AMDHD1: variants seen among roughly 807,000 people sequenced by gnomAD.
AMDHD1 encodes amidohydrolase domain containing 1, also known as probable imidazolonepropionase.
AMDHD1 carries 45 observed loss-of-function variants against 44.1 expected under a neutral mutation model. The ratio of observed to expected loss-of-function variants is 1.02; its 90% CI spans 0.80 to 1.31. The LOEUF (loss-of-function observed/expected upper bound fraction) is 1.31, where lower values mean the gene tolerates loss of function less well. Ranked by LOEUF, AMDHD1 falls within the 50% of genes most tolerant of loss-of-function variation. The probability of loss-of-function intolerance (pLI) is 0.00; values close to 1 mark genes in which losing one functional copy is unlikely to be tolerated. For missense variants in AMDHD1, 586 were observed against 552.1 expected (o/e 1.06, Z -0.61); for synonymous variants, 206 against 205.0 (o/e 1.00, Z -0.04).
In AMDHD1 at chr12:95,943,493, G is replaced by A. The variant is rs934128292; in HGVS notation, c.95G>A (p.Arg32His). 3.3e-6 allele frequency: 5 copies of A among 1,499,982 alleles called. No homozygotes were observed. The highest frequency in any genetic ancestry group is 4.4e-6 in the Non-Finnish European group (5 of 1,128,658). The allele number at this position is 1,499,982 out of a possible 1,614,324, so 92.9% of individuals were successfully genotyped here. A position where few individuals can be genotyped will look rare whatever the true frequency, so the allele number is the denominator to read the frequency against. The change falls in exon 1 of 9, where the codon CGC (arginine) becomes CAC (histidine). Residue 32 changes from arginine to histidine, a missense_variant. Physicochemically the swap from Arg to His is conservative, Grantham distance 29. Transcript: ENST00000266736. ...GERFLARDAL[R>H]SLAVLEGASL... is the part of the protein sequence containing the mutation. Reference sequence around the variant, plus strand: ...CGCTTCCTGGCGCGGGATGCGCTGCGCAGCCTGGCGGTGCTGGAAGGCGCC... The same window carrying A: ...CGCTTCCTGGCGCGGGATGCGCTGCACAGCCTGGCGGTGCTGGAAGGCGCC...
Position 95,943,514 on chromosome 12 carries a change from G to T in AMDHD1, c.116G>T (p.Gly39Val). 1 of 1,484,304 alleles carries T rather than the reference G, an allele frequency of 6.7e-7. No homozygotes were observed. Among genetic ancestry groups the T allele is most frequent in the Non-Finnish European group, 8.9e-7 (1 of 1,120,788 alleles). The allele number at this position is 1,484,304 out of a possible 1,614,324, so 91.9% of individuals were successfully genotyped here. ...CTGCGCAGCCTGGCGGTGCTGGAAG[G>T]CGCCAGCCTGGTGGTGGGCAAGTAA... The part of the protein sequence containing the change: ...DALRSLAVLE[G>V]ASLVVGKDGF... Residue 39 changes from glycine (G) to valine (V), a missense_variant, in exon 1 of 9, where the codon GGC becomes GTC. Gly to Val is a moderately radical substitution (Grantham distance 109). Coordinates refer to ENST00000266736, the MANE Select transcript of AMDHD1 (RefSeq NM_152435.3).
intron 4 of AMDHD1, 124 bp from the exon 5 acceptor site, chr12:95,960,274 A>G (rs1420300058): frequency 6.4e-6 from 5 of 777,348 alleles, no homozygotes; most frequent in African/African-American, 5.3e-5. Context: ...GTCTTTCTCT[A>G]CCTTTCTGAG....
chr12:95,966,086 A>G (rs904940768), intron 7 of AMDHD1, among the ~76,000 whole-genome samples: 10 of 152,248 alleles, frequency 6.6e-5, no homozygotes, highest in African/African-American at 2.4e-4. Flanking sequence ...GGTCTTAGTA[A>G]GTATGGAAGT....
chr12:95,967,492 G>A (rs2080617317), intron 8 of AMDHD1, among the ~76,000 whole-genome samples: 1 of 152,156 alleles, frequency 6.6e-6, no homozygotes, highest in Non-Finnish European at 1.5e-5. Context: ...CCCTGTATTG[G>A]ATATAATGCT....
rs778736935 is a variant in AMDHD1 at position 95,966,455 on chromosome 12, C to T, written c.1140C>T (p.His380=). The T allele has an allele frequency of 5.6e-6, 9 of 1,614,126 alleles. No homozygotes were observed. Among genetic ancestry groups the T allele is most frequent in the Admixed American group, 3.3e-5 (2 of 60,012 alleles). ...AAYALGKSHT[H]GSLEVGKQGD... ...ATGCACTGGGAAAGTCTCACACACA[C>T]GGATCGTTGGAAGTTGGCAAACAGG... Residue 380 remains histidine, a synonymous_variant, in exon 8 of 9, where the codon CAC becomes CAT. Transcript: ENST00000266736.
At chr12:95,960,897 A>G (rs1002146646) in intron 5 of AMDHD1, among the ~76,000 whole-genome samples, 2 of 152,168 alleles carry the variant, frequency 1.3e-5, no homozygotes, top group African/African-American at 4.8e-5. Flanking sequence ...CACACCTGTA[A>G]TCCCAGCACT....
At chr12:95,953,713 C>A (rs907824900) in intron 2 of AMDHD1, among the ~76,000 whole-genome samples, 2 of 152,098 alleles carry the variant, frequency 1.3e-5, no homozygotes, top group African/African-American at 4.8e-5. Flanking sequence ...TCCTAAGTAG[C>A]TGGATTACAG....
chr12:95,965,870 T>TA (rs1246726142), intron 7 of AMDHD1, 91 bp downstream of exon 7: 10 of 848,810 alleles, frequency 1.2e-5, no homozygotes, highest in South Asian at 7.2e-5. Flanking sequence ...TAAAACAGTA[T>TA]AAAAAATCTA....
rs1455254247 is a variant in AMDHD1, at chr12:95,960,609, A to T, written c.799A>T (p.Met267Leu). 6.2e-7 allele frequency: 1 copy of T among 1,614,140 alleles called. No homozygotes were observed. The highest frequency in any genetic ancestry group is 8.5e-7 in the Non-Finnish European group (1 of 1,179,974). The stretch of plus-strand genomic sequence containing the variant: ...CTTCCATGGGGATGAACTCCACCCG[A>T]TGAAGGCTGCTGAGGTGTGGTTGAC... ...INFHGDELHP[M>L]KAAELGAELG... is the part of the protein sequence containing the mutation. Residue 267 changes from methionine (M) to leucine (L), a missense_variant, in exon 5 of 9, where the codon ATG becomes TTG. Met to Leu is a conservative substitution (Grantham distance 15). Transcript: ENST00000266736.
intron 5 of AMDHD1, among the ~76,000 whole-genome samples, 157 bp from the exon 6 acceptor site, chr12:95,962,198 G>A (rs113632393): frequency 1.3e-5 from 2 of 152,162 alleles, no homozygotes; most frequent in Admixed American, 6.5e-5. Context: ...CCCAGGAGGC[G>A]GAGGTTGCAG....
At chr12:95,952,608 A>G (rs2080530034) in intron 1 of AMDHD1, 109 bp from the exon 2 acceptor site, 5 of 704,130 alleles carry the variant, frequency 7.1e-6, no homozygotes, top group Non-Finnish European at 1.2e-5. Context: ...AAGCACAGTA[A>G]ATGTTGACTA....
intron 1 of AMDHD1, 146 bp from the exon 2 acceptor site, chr12:95,952,571 G>A (rs975143405): frequency 1.7e-6 from 1 of 573,256 alleles, no homozygotes; most frequent in Non-Finnish European, 3.1e-6. Context: ...GGCTAGAGAC[G>A]CTTTTCCAGA....
At chr12:95,944,496 G>A (rs7966871) in intron 1 of AMDHD1, among the ~76,000 whole-genome samples, 31,839 of 151,600 alleles carry the variant, frequency 0.21, 3,860 homozygotes, top group East Asian at 0.45. Context: ...GCTCAACTGC[G>A]ATCTCCACCT....
intron 1 of AMDHD1, among the ~76,000 whole-genome samples, chr12:95,950,673 T>A (rs112242018): frequency 1.4e-4 from 22 of 152,324 alleles, no homozygotes; most frequent in Admixed American, 3.9e-4. Flanking sequence ...GCCCACTTTC[T>A]TACACTCACT....
rs1466401252 is a variant in AMDHD1, at chr12:95,961,150, A to AAAAAAAAAAG, written c.813+532_813+533insAAAAGAAAAA. 6.6e-4 allele frequency among the ~76,000 whole-genome samples: 100 copies of AAAAAAAAAAG among 151,814 alleles called. 4 individuals carry two copies. The East Asian group carries it at 0.015, about 22-fold the overall frequency. ...ACAGAGCAAGACTCCATCTCAAAAA[A>AAAAAAAAAAG]AAAAAGGAAAGAAAAGAAAAAGAAT... is the stretch of plus-strand genomic sequence containing the variant. On this transcript the variant is annotated intron_variant, in intron 5 of 8. Transcript: ENST00000266736.
chr12:95,968,011 TAACAC>T lies in AMDHD1; in HGVS notation c.*170_*174del. ...CCCAAGGGATAGATTTATTTTCATT[TAACAC>T]ATGCATTTGACATATAAACAGGTAA... On this transcript the variant is annotated 3_prime_UTR_variant, in exon 9 of 9. Transcript: ENST00000266736. The T allele has an allele frequency of 2.0e-6, 1 of 509,158 alleles. No individual in the cohort carries two copies. Among genetic ancestry groups the T allele is most frequent in the Non-Finnish European group, 3.4e-6 (1 of 290,128 alleles). 31.5% of individuals were successfully genotyped at this position (509,158 alleles called of 1,614,324 possible).
rs2080620863 is a variant in AMDHD1, at chr12:95,967,975, C to T, written c.*132C>T. 1 of 645,962 alleles carries T rather than the reference C, an allele frequency of 1.5e-6. No homozygotes were observed. The highest frequency in any genetic ancestry group is 1.9e-5 in the African/African-American group (1 of 52,178). 40.0% of individuals were successfully genotyped at this position (645,962 alleles called of 1,614,324 possible). A position where few individuals can be genotyped will look rare whatever the true frequency, so the allele number is the denominator to read the frequency against. Reference sequence around the variant, plus strand: ...AATGTACTTCAATGTCTTTTTAAGTCACTCAAAAAACCCAAGGGATAGATT... The same window carrying T: ...AATGTACTTCAATGTCTTTTTAAGTTACTCAAAAAACCCAAGGGATAGATT... On this transcript the variant is annotated 3_prime_UTR_variant, in exon 9 of 9. Coordinates refer to ENST00000266736, the MANE Select transcript of AMDHD1 (RefSeq NM_152435.3).
At chr12:95,947,529 G>C (rs1200777872) in intron 1 of AMDHD1, 6 of 79,974 alleles carry the variant, frequency 7.5e-5, no homozygotes, top group African/African-American at 3.7e-4. Flanking sequence ...GAGGTGGGGG[G>C]GGTCAGCCCC....
intron 6 of AMDHD1, among the ~76,000 whole-genome samples, chr12:95,964,652 C>T (rs1053187775): frequency 1.3e-5 from 2 of 152,060 alleles, no homozygotes; most frequent in Admixed American, 1.3e-4. Flanking sequence ...AATGATCGAT[C>T]ATAGACTGGG....
Sources: allele counts gnomAD v4.1 joint callset (sites outside exome capture counted in the v4.1 genomes callset), GRCh38; gene constraint gnomAD v4.1.1; transcripts MANE v1.5; gene names NCBI Gene and HGNC (gene_info 2026-07-23, HGNC 2026-07-21).